Variants in TM6SF1 observed in about 807,000 individuals in gnomAD.
The protein encoded by TM6SF1 is transmembrane 6 superfamily member 1.
A neutral mutation model predicts 47.1 loss-of-function variants in TM6SF1; 43 were observed. The observed-to-expected ratio is 0.91, with a 90% CI of 0.72 to 1.18. The LOEUF (loss-of-function observed/expected upper bound fraction) is 1.18, where lower values mean the gene tolerates loss of function less well. Ranked by LOEUF, TM6SF1 falls within the 50% of genes most tolerant of loss-of-function variation. TM6SF1 has a pLI of 0.00. For missense variants in TM6SF1, 390 were observed against 449.0 expected, an observed-to-expected ratio of 0.87 and a Z score of 1.19; for synonymous variants, 177 against 166.3, an observed-to-expected ratio of 1.06 and a Z score of -0.49.
chr15:83,119,951 C>T (rs1795584788), intron 4 of TM6SF1: 2 of 368,764 alleles, frequency 5.4e-6, no homozygotes. Context: ...TTTTTATTTT[C>T]AGCAATTAAA....
intron 9 of TM6SF1, chr15:83,135,790 T>C (rs2036569680): frequency 6.6e-6 from 1 of 152,254 alleles, no homozygotes; most frequent in African/African-American, 2.4e-5. Flanking sequence ...TGCCTGCATG[T>C]ACATTTGCCA....
chr15:83,121,997 A>G lies in TM6SF1; in HGVS notation c.475A>G (p.Ile159Val). The G allele has an allele frequency of 6.2e-7, 1 of 1,610,010 alleles. No homozygotes were observed. The highest frequency in any genetic ancestry group is 8.5e-7 in the Non-Finnish European group (1 of 1,178,428). ...MSVVVFVPGN[I>V]VGKYGTRICP... Reference sequence around the variant, plus strand: ...TGTTGTTGTTTTTGTGCCAGGAAACATTGTAGGTAAGAAACTTTATCTTAA... The same window carrying G: ...TGTTGTTGTTTTTGTGCCAGGAAACGTTGTAGGTAAGAAACTTTATCTTAA... Residue 159 changes from isoleucine (I) to valine (V), a missense_variant, in exon 5 of 10, where the codon ATT (isoleucine) becomes GTT (valine). Transcript: ENST00000322019.
chr15:83,122,618 CTTT>C, intron 5 of TM6SF1, 136 bp from the exon 6 acceptor site: 1 of 846,560 alleles, frequency 1.2e-6, no homozygotes, highest in Non-Finnish European at 1.8e-6. Flanking sequence ...TTAAATTGAC[CTTT>C]TTAATTTGGC....
At chr15:83,120,105 G>A (rs984375363) in intron 4 of TM6SF1, 4 of 178,720 alleles carry the variant, frequency 2.2e-5, no homozygotes, top group Middle Eastern at 2.5e-3. Context: ...TGGCTTGTCC[G>A]TTCACTCCTC....
chr15:83,119,695 C>T lies in TM6SF1; in HGVS notation c.398+14C>T, dbSNP rs577211197. ...CATAGCATGGGAGTAAGTCAGTTCA[C>T]CTGGTGTGTGCCTTTGCCACCTTAG... On this transcript the variant is annotated intron_variant, in intron 4 of 9. Transcript: ENST00000322019. 3.1e-4 allele frequency: 504 copies of T among 1,613,988 alleles called. 5 individuals carry two copies. The South Asian group carries it at 5.1e-3, about 16-fold the overall frequency.
At chr15:83,123,526 T>C (rs1476754631) in intron 6 of TM6SF1, among the ~76,000 whole-genome samples, 2 of 152,268 alleles carry the variant, frequency 1.3e-5, no homozygotes, top group Non-Finnish European at 2.9e-5. Flanking sequence ...AACTGATATA[T>C]GAAAATATGA....
chr15:83,108,325 A>G (rs981673639), intron 1 of TM6SF1, among the ~76,000 whole-genome samples: 1 of 152,074 alleles, frequency 6.6e-6, no homozygotes, highest in South Asian at 2.1e-4. Flanking sequence ...GGTGTTTGGC[A>G]CTGACGGTGT....
rs780855153 is a variant in TM6SF1, at chr15:83,107,795, G to A, written c.92+23G>A. 6.4e-6 allele frequency: 10 copies of A among 1,566,912 alleles called. No homozygotes were observed. In the African/African-American group the frequency reaches 1.3e-4, roughly 20 times the overall value. On this transcript the variant is annotated intron_variant, in intron 1 of 9. Coordinates refer to ENST00000322019, the MANE Select transcript of TM6SF1 (RefSeq NM_023003.5). The surrounding 1 kb of genome is among the most constrained non-coding windows in gnomAD (Gnocchi z 5.6). ...TGAGTGAGTGAGCCGGCGCGGCGGG[G>A]GTCGCGCCGAGGGGCGGCGGGAGTT... is the stretch of plus-strand genomic sequence containing the variant.
chr15:83,114,384 G>A (rs2034464346), intron 2 of TM6SF1: 1 of 152,264 alleles, frequency 6.6e-6, no homozygotes, highest in Non-Finnish European at 1.5e-5. Flanking sequence ...TCTGACACTT[G>A]TGTTGTCATC....
At chr15:83,127,692 T>C (rs2035890086) in intron 9 of TM6SF1, 1 of 455,142 alleles carries the variant, frequency 2.2e-6, no homozygotes, top group East Asian at 4.7e-5. Context: ...GTTACACAGA[T>C]GAGGAAGTTA....
intron 3 of TM6SF1, among the ~76,000 whole-genome samples, chr15:83,116,152 C>T (rs1020079638): frequency 1.3e-5 from 2 of 152,222 alleles, no homozygotes; most frequent in Non-Finnish European, 2.9e-5. Flanking sequence ...CAACATTCAG[C>T]TCTCACGGCT....
intron 1 of TM6SF1, among the ~76,000 whole-genome samples, chr15:83,108,263 C>CA (rs1190000891): frequency 6.6e-6 from 1 of 152,180 alleles, no homozygotes; most frequent in African/African-American, 2.4e-5. Flanking sequence ...AACCAACAGG[C>CA]AGAGACGTGG....
At chr15:83,114,505 G>A (rs986372270) in intron 2 of TM6SF1, 1 of 152,400 alleles carries the variant, frequency 6.6e-6, no homozygotes, top group Non-Finnish European at 1.5e-5. Flanking sequence ...CACTGCCAAT[G>A]AGAACTGGGC....
intron 9 of TM6SF1, chr15:83,134,140 C>T (rs891601541): frequency 1.3e-5 from 2 of 152,096 alleles, no homozygotes; most frequent in Admixed American, 6.5e-5. Flanking sequence ...GTTTATTGAG[C>T]TCTAACAATG....
At chr15:83,123,924 G>A (rs1315323326) in intron 6 of TM6SF1, among the ~76,000 whole-genome samples, 1 of 152,058 alleles carries the variant, frequency 6.6e-6, no homozygotes, top group Non-Finnish European at 1.5e-5. Context: ...GAATTGCTCT[G>A]CAAAGCAATT....
chr15:83,110,998 G>T (rs1253560036), intron 1 of TM6SF1, among the ~76,000 whole-genome samples: 2 of 152,130 alleles, frequency 1.3e-5, no homozygotes, highest in Non-Finnish European at 2.9e-5. Context: ...AGCCTCCCAA[G>T]TAGCGGGGAT....
intron 1 of TM6SF1, among the ~76,000 whole-genome samples, chr15:83,108,237 A>G (rs1045812375): frequency 2.0e-5 from 3 of 152,100 alleles, no homozygotes; most frequent in African/African-American, 7.2e-5. Flanking sequence ...GTGAATGACT[A>G]GCAGAAATAG....
chr15:83,128,546 G>C (rs1303656520), intron 9 of TM6SF1: 1 of 152,016 alleles, frequency 6.6e-6, no homozygotes, highest in Non-Finnish European at 1.5e-5. Flanking sequence ...CTTTATCTTT[G>C]TATCTTTCAA....
chr15:83,134,605 A>C (rs2036490015), intron 9 of TM6SF1: 1 of 152,236 alleles, frequency 6.6e-6, no homozygotes, highest in East Asian at 1.9e-4. Flanking sequence ...AAAAGAGCCT[A>C]CGGAATCACT....
Sources: gnomAD v4.1 joint callset for allele counts (sites outside exome capture counted in the v4.1 genomes callset) on GRCh38, gnomAD v4.1.1 for gene constraint, Gnocchi (gnomAD v3.1) non-coding constraint, MANE v1.5 for transcripts, NCBI Gene and HGNC (gene_info 2026-07-23, HGNC 2026-07-21) for gene names.